MBD5: variants seen among roughly 807,000 people sequenced by gnomAD.
MBD5 encodes the protein methyl-CpG binding domain protein 5.
In MBD5, 13 loss-of-function variants were observed where a neutral mutation model predicts 117.3. The ratio of observed to expected loss-of-function variants is 0.11; its 90% confidence interval spans 0.07 to 0.18. The LOEUF (loss-of-function observed/expected upper bound fraction) is 0.18. MBD5 is among the 10% of genes least tolerant of loss of function. The pLI is 1.00. For missense variants in MBD5, 1,879 were observed against 2,093.8 expected (o/e 0.90, Z 2.00); for synonymous variants, 727 against 766.4 (o/e 0.95, Z 0.85).
At chr2:148,065,762 G>T (rs756248118) in intron 1 of MBD5, among the ~76,000 whole-genome samples, 1 of 152,040 alleles carries the variant, frequency 6.6e-6, no homozygotes, top group Non-Finnish European at 1.5e-5. Flanking sequence ...CTTTTCAGTA[G>T]GAAACACTTA....
chr2:148,294,221 T>G (rs796512285), intron 3 of MBD5, among the ~76,000 whole-genome samples: 20,599 of 142,550 alleles, frequency 0.14, 2,084 homozygotes, highest in Middle Eastern at 0.2. Flanking sequence ...TTTTTTTTTT[T>G]TTTTTTTTTT....
intron 4 of MBD5, among the ~76,000 whole-genome samples, chr2:148,400,788 T>C (rs984884243): frequency 6.6e-6 from 1 of 152,178 alleles, no homozygotes. Context: ...TACTATAAAT[T>C]ATATCTCTTC....
intron 1 of MBD5, among the ~76,000 whole-genome samples, chr2:148,070,034 G>A (rs1695308692): frequency 6.6e-6 from 1 of 152,112 alleles, no homozygotes; most frequent in African/African-American, 2.4e-5. Context: ...ACATTGGAAT[G>A]TATTCCTTCT....
In MBD5 at chr2:148,333,657, C is replaced by T. The variant is rs150988502; in HGVS notation, c.-679-8557C>T. On this transcript the variant is annotated intron_variant, in intron 3 of 13. Transcript: ENST00000642680. ...AAGAGTTCAAGATCAGCCCAGCCAA[C>T]ATGGTGAAACCCTGTCTCTGCTGAA... Among the ~76,000 whole-genome samples, 92 of 150,358 alleles carry T rather than the reference C, an allele frequency of 6.1e-4. No homozygotes were observed. In the East Asian group the frequency reaches 0.016, roughly 26 times the overall value.
At chr2:148,494,388 C>T (rs1681629563) in intron 11 of MBD5, among the ~76,000 whole-genome samples, 2 of 152,096 alleles carry the variant, frequency 1.3e-5, no homozygotes, top group Non-Finnish European at 1.5e-5. Context: ...GTTGAGTGAA[C>T]TTGAAAGTTC....
At chr2:148,097,978 T>C (rs1003458014) in intron 1 of MBD5, among the ~76,000 whole-genome samples, 1 of 152,218 alleles carries the variant, frequency 6.6e-6, no homozygotes, top group African/African-American at 2.4e-5. Flanking sequence ...GGCACAGTCC[T>C]GAAGGACTTT....
At chr2:148,060,196 A>G (rs1694993233) in intron 1 of MBD5, among the ~76,000 whole-genome samples, 1 of 134,402 alleles carries the variant, frequency 7.4e-6, no homozygotes, top group Admixed American at 8.2e-5. Flanking sequence ...ATAGTCCCAG[A>G]TATTTGGGAG....
At chr2:148,107,991 A>G (rs183927099) in intron 1 of MBD5, among the ~76,000 whole-genome samples, 1 of 152,240 alleles carries the variant, frequency 6.6e-6, no homozygotes, top group East Asian at 1.9e-4. Context: ...TTGTGGATCA[A>G]ATGAGTAGTG....
chr2:148,499,259 C>T (rs554211040), intron 11 of MBD5, among the ~76,000 whole-genome samples: 36 of 152,176 alleles, frequency 2.4e-4, no homozygotes, highest in East Asian at 1.9e-3. Context: ...GCCAAGGTCA[C>T]GCCACTGCAT....
intron 12 of MBD5, among the ~76,000 whole-genome samples, chr2:148,507,337 A>G (rs1211042905): frequency 6.6e-6 from 1 of 152,202 alleles, no homozygotes; most frequent in African/African-American, 2.4e-5. Flanking sequence ...CATTTTCTTC[A>G]TTACAAAATT....
chr2:148,157,022 A>T (rs1288656699), intron 1 of MBD5, among the ~76,000 whole-genome samples: 1 of 152,210 alleles, frequency 6.6e-6, no homozygotes, highest in Non-Finnish European at 1.5e-5. Context: ...TACGATTTTT[A>T]AAATTCTTTA....
intron 1 of MBD5, among the ~76,000 whole-genome samples, chr2:148,148,331 A>C (rs1304753061): frequency 6.6e-6 from 1 of 152,224 alleles, no homozygotes; most frequent in Non-Finnish European, 1.5e-5. Flanking sequence ...TTACACAGCT[A>C]CCATAATAGT....
intron 4 of MBD5, among the ~76,000 whole-genome samples, chr2:148,348,747 C>T (rs189960466): frequency 2.1e-3 from 321 of 152,050 alleles, no homozygotes; most frequent in African/African-American, 5.6e-3. Flanking sequence ...CCACATGGCT[C>T]TGTTGTGGGT....
intron 10 of MBD5, 86 bp downstream of exon 10, chr2:148,486,036 T>A: frequency 7.8e-7 from 1 of 1,277,674 alleles, no homozygotes; most frequent in Non-Finnish European, 1.1e-6. Flanking sequence ...GTGAAAAAAG[T>A]AGGTTACGTG....
rs576887186 is a variant in MBD5, at chr2:148,336,771, T to A, written c.-679-5443T>A. ...CGTCAACACTTATGGGTTTGCATAT[T>A]CTTTTCTGTTCTTGCTGGCCTCTGT... On this transcript the variant is annotated intron_variant, in intron 3 of 13. Coordinates refer to ENST00000642680, the MANE Select transcript of MBD5 (RefSeq NM_001378120.1). Among the ~76,000 whole-genome samples, 3 of 152,322 alleles carry A rather than the reference T, an allele frequency of 2.0e-5. No homozygotes were observed. The East Asian group carries it at 5.8e-4, about 29-fold the overall frequency.
intron 3 of MBD5, among the ~76,000 whole-genome samples, chr2:148,322,357 C>T (rs1359296626): frequency 6.6e-6 from 1 of 152,132 alleles, no homozygotes; most frequent in Non-Finnish European, 1.5e-5. Flanking sequence ...CCTTGAGGAC[C>T]TGACCTGTGT....
chr2:148,323,369 G>A (rs74352533), intron 3 of MBD5, among the ~76,000 whole-genome samples: 32,114 of 151,422 alleles, frequency 0.21, 3,944 homozygotes, highest in East Asian at 0.53. Context: ...CCAGTAATGG[G>A]ATGGCTGGGT....
At chr2:148,197,140 G>T (rs1393417947) in intron 2 of MBD5, among the ~76,000 whole-genome samples, 2 of 152,072 alleles carry the variant, frequency 1.3e-5, no homozygotes. Flanking sequence ...AGCTTCAAAG[G>T]CTTAGGCATA....
intron 2 of MBD5, chr2:148,196,279 C>T (rs1698985641): frequency 6.6e-6 from 1 of 151,966 alleles, no homozygotes; most frequent in African/African-American, 2.4e-5. Flanking sequence ...TTTAAATTTC[C>T]ATGGATGTTA....
Sources: allele counts gnomAD v4.1 joint callset (sites outside exome capture counted in the v4.1 genomes callset), GRCh38; gene constraint gnomAD v4.1.1; transcripts MANE v1.5; gene names NCBI Gene and HGNC (gene_info 2026-07-23, HGNC 2026-07-21).